The following EDARADD variants were observed in gnomAD, a reference collection of about 807,000 sequenced individuals.
The protein encoded by EDARADD is EDAR associated via death domain.
In EDARADD, 20 loss-of-function variants were observed where a neutral mutation model predicts 25.6. That is an observed-to-expected ratio of 0.78 (90% confidence interval 0.55 to 1.14). The LOEUF is 1.14. Among genes scored for constraint, EDARADD ranks in the 50% most tolerant of loss-of-function variants. The probability of loss-of-function intolerance (pLI) is 0.00; values close to 1 mark genes in which losing one functional copy is unlikely to be tolerated. For synonymous variants in EDARADD, 86 were observed against 94.4 expected (o/e 0.91, Z 0.52); for missense variants, 225 against 270.1 (o/e 0.83, Z 1.17).
intron 2 of EDARADD, among the ~76,000 whole-genome samples, chr1:236,350,181 A>G (rs552944935): frequency 6.6e-6 from 1 of 152,186 alleles, no homozygotes; most frequent in Non-Finnish European, 1.5e-5. Flanking sequence ...TTTTCCCACA[A>G]GGGATGGCTT....
At chr1:236,480,942 T>A (rs1659654890) in intron 5 of EDARADD, among the ~76,000 whole-genome samples, 1 of 152,122 alleles carries the variant, frequency 6.6e-6, no homozygotes, top group African/African-American at 2.4e-5. Flanking sequence ...AAAAGCCTCC[T>A]GCTGAGTTTT....
chr1:236,362,331 T>C (rs941759659), intron 3 of EDARADD, among the ~76,000 whole-genome samples: 9 of 152,258 alleles, frequency 5.9e-5, no homozygotes, highest in African/African-American at 2.2e-4. Flanking sequence ...TGTGCCTCCT[T>C]GCCACCCATA....
intron 3 of EDARADD, among the ~76,000 whole-genome samples, chr1:236,358,457 C>T (rs747452442): frequency 9.9e-5 from 15 of 152,170 alleles, no homozygotes; most frequent in Non-Finnish European, 1.6e-4. Context: ...GCTCTTGGTT[C>T]TCTGGTTCTT....
At chr1:236,409,918 G>A (rs1026664134) in intron 2 of EDARADD, among the ~76,000 whole-genome samples, 1 of 152,046 alleles carries the variant, frequency 6.6e-6, no homozygotes, top group Non-Finnish European at 1.5e-5. Context: ...TGGGATGCCA[G>A]ATGGACACAC....
At chr1:236,458,265 C>G (rs2103030623) in intron 4 of EDARADD, among the ~76,000 whole-genome samples, 1 of 152,320 alleles carries the variant, frequency 6.6e-6, no homozygotes, top group East Asian at 1.9e-4. Flanking sequence ...ACTCCCATGC[C>G]CGTTGGCAGG....
chr1:236,441,945 C>A (rs1409252012), intron 4 of EDARADD, among the ~76,000 whole-genome samples: 1 of 151,986 alleles, frequency 6.6e-6, no homozygotes, highest in Non-Finnish European at 1.5e-5. Flanking sequence ...AAGTCATCTC[C>A]GTAACATAAA....
chr1:236,403,432 T>C (rs1054832966), intron 1 of EDARADD, among the ~76,000 whole-genome samples: 8 of 151,834 alleles, frequency 5.3e-5, no homozygotes, highest in Admixed American at 5.3e-4. Flanking sequence ...GGACTACAGG[T>C]GCCCGCCACC....
rs1159155838 is a variant in EDARADD, at chr1:236,395,539, G to A, written c.61+1034G>A. The A allele has an allele frequency of 2.1e-5, 33 of 1,537,700 alleles. No homozygotes were observed. The highest frequency in any genetic ancestry group is 2.7e-5 in the Non-Finnish European group (31 of 1,145,850). On this transcript the variant is annotated intron_variant, in intron 1 of 5. Coordinates refer to ENST00000334232, the MANE Select transcript of EDARADD (RefSeq NM_145861.4). This position sits in a 1 kb window ranked among gnomAD's most constrained non-coding sequence, Gnocchi z 6.9. ...TTGCTCCAGGCGCGTCGGAACCGCA[G>A]GACTTTTCATCCCCGTGGTCCCACG...
At chr1:236,464,116 T>C (rs960864659) in intron 4 of EDARADD, among the ~76,000 whole-genome samples, 3 of 152,176 alleles carry the variant, frequency 2.0e-5, no homozygotes, top group African/African-American at 7.2e-5. Context: ...TTCAGCCATC[T>C]CCATGGCCTC....
In EDARADD at chr1:236,352,998, A is replaced by G. The variant is rs149435256; in HGVS notation, c.-6+2159A>G. Among the ~76,000 whole-genome samples, 16 of 147,270 alleles carry G rather than the reference A, an allele frequency of 1.1e-4. 1 individual carries two copies. In the East Asian group the frequency reaches 3.3e-3, roughly 30 times the overall value. ...GCACTTGAGCCTGGGCAACAGAGCA[A>G]GACTCCGTCTCTAAAAAAAAAACAA... On this transcript the variant is annotated intron_variant, in intron 3 of 7. Transcript: ENST00000439430.
chr1:236,421,199 C>T (rs867131343), intron 3 of EDARADD, among the ~76,000 whole-genome samples: 5 of 146,922 alleles, frequency 3.4e-5, no homozygotes, highest in South Asian at 2.3e-4. Context: ...GGACACTGTG[C>T]GTCATGCAGG....
chr1:236,397,225 C>T (rs1020847111), intron 1 of EDARADD, among the ~76,000 whole-genome samples: 1 of 151,942 alleles, frequency 6.6e-6, no homozygotes, highest in African/African-American at 2.4e-5. Flanking sequence ...GCCTTGGCAA[C>T]ATAGTGAGAC....
At chr1:236,447,503 T>C (rs1658595891) in intron 4 of EDARADD, among the ~76,000 whole-genome samples, 1 of 152,048 alleles carries the variant, frequency 6.6e-6, no homozygotes, top group Admixed American at 6.6e-5. Context: ...TTCATTTGCA[T>C]GTCCTCCCGC....
intron 2 of EDARADD, among the ~76,000 whole-genome samples, chr1:236,411,609 C>T (rs1405756373): frequency 6.6e-6 from 1 of 150,974 alleles, no homozygotes; most frequent in Non-Finnish European, 1.5e-5. Context: ...TATGCAATGG[C>T]GTGATCTCGG....
At chr1:236,433,525 G>A (rs546268034) in intron 4 of EDARADD, among the ~76,000 whole-genome samples, 39 of 151,618 alleles carry the variant, frequency 2.6e-4, no homozygotes, top group Non-Finnish European at 4.7e-4. Context: ...TGGCCAGGCT[G>A]GTCTCGAACT....
At chr1:236,417,857 G>T (rs1011925577) in intron 3 of EDARADD, among the ~76,000 whole-genome samples, 1 of 151,754 alleles carries the variant, frequency 6.6e-6, no homozygotes, top group African/African-American at 2.4e-5. Context: ...ATTTTCTCTC[G>T]TGTCCCTGCT....
chr1:236,444,703 C>T (rs988217073), intron 4 of EDARADD, among the ~76,000 whole-genome samples: 2 of 152,146 alleles, frequency 1.3e-5, no homozygotes, highest in Admixed American at 6.5e-5. Flanking sequence ...GGATTATAGG[C>T]GTGAGCCACC....
At chr1:236,391,589 T>C (rs553977913), upstream of EDARADD, among the ~76,000 whole-genome samples, 18 of 152,318 alleles carry the variant, frequency 1.2e-4, no homozygotes, top group Admixed American at 2.6e-4. Context: ...AGCAGCCCAG[T>C]TTGCTGGGTT....
At chr1:236,429,084 C>A (rs909886688) in intron 4 of EDARADD, among the ~76,000 whole-genome samples, 1 of 152,056 alleles carries the variant, frequency 6.6e-6, no homozygotes, top group Non-Finnish European at 1.5e-5. Context: ...GAGATGGCAT[C>A]GGTACAGTCC....
Sources: gnomAD v4.1 joint callset for allele counts (sites outside exome capture counted in the v4.1 genomes callset) on GRCh38, gnomAD v4.1.1 for gene constraint, Gnocchi (gnomAD v3.1) non-coding constraint, MANE v1.5 for transcripts, NCBI Gene and HGNC (gene_info 2026-07-23, HGNC 2026-07-21) for gene names.